EFHC2: variants seen among roughly 807,000 people sequenced by gnomAD.
EFHC2 encodes the protein EF-hand domain containing 2, also known as EF-hand domain-containing family member C2.
In EFHC2, 18 loss-of-function variants were observed where a neutral mutation model predicts 52.7. The observed-to-expected ratio is 0.34, with a 90% CI of 0.24 to 0.51. The LOEUF is 0.51. Among genes scored for constraint, EFHC2 ranks in the 20% least tolerant of loss-of-function variants. The pLI is 0.97. For synonymous variants in EFHC2, 203 were observed against 204.1 expected, an observed-to-expected ratio of 0.99 and a Z score of 0.04; for missense variants, 513 against 562.5, an observed-to-expected ratio of 0.91 and a Z score of 0.89.
chrX:44,199,686 AC>A (rs1038973486), intron 11 of EFHC2, among the ~76,000 whole-genome samples: 2 of 112,056 alleles, frequency 1.8e-5, no homozygotes, highest in Non-Finnish European at 3.8e-5. Context: ...AAGCTGGCAG[AC>A]ATTACCTGAA....
chrX:44,193,906 G>T (rs891776789), intron 11 of EFHC2, among the ~76,000 whole-genome samples: 1 of 111,659 alleles, frequency 9.0e-6, no homozygotes, highest in Non-Finnish European at 1.9e-5. Context: ...AGAGGATGAG[G>T]GGCAGAGTAA....
At chrX:44,314,622 A>G (rs182403425) in intron 1 of EFHC2, among the ~76,000 whole-genome samples, 94 of 111,311 alleles carry the variant, frequency 8.4e-4, no homozygotes, top group Middle Eastern at 4.6e-3. Context: ...TCTCTCTCAC[A>G]CATACACACA....
At chrX:44,258,203 C>T (rs1437269664) in intron 4 of EFHC2, among the ~76,000 whole-genome samples, 2 of 111,659 alleles carry the variant, frequency 1.8e-5, no homozygotes, top group Non-Finnish European at 1.9e-5. Context: ...CTAGGCAATA[C>T]CATTCAGGAC....
At chrX:44,252,832 G>A (rs1364689702) in intron 4 of EFHC2, among the ~76,000 whole-genome samples, 3 of 111,867 alleles carry the variant, frequency 2.7e-5, no homozygotes, top group Non-Finnish European at 3.8e-5. Flanking sequence ...TTTTCTGGGG[G>A]TGGCTGGCAA....
intron 2 of EFHC2, among the ~76,000 whole-genome samples, chrX:44,275,404 T>C (rs903177932): frequency 9.1e-6 from 1 of 109,781 alleles, no homozygotes; most frequent in Non-Finnish European, 1.9e-5. Flanking sequence ...GAGGAAATTA[T>C]AAAATGTGGT....
intron 13 of EFHC2, among the ~76,000 whole-genome samples, chrX:44,171,105 G>A (rs970299102): frequency 2.7e-5 from 3 of 111,766 alleles, no homozygotes; most frequent in Admixed American, 9.5e-5. Context: ...GTGGAAAAAG[G>A]GGGAGGGAAG....
At chrX:44,308,419 G>GA (rs1239104688) in intron 2 of EFHC2, among the ~76,000 whole-genome samples, 5 of 94,724 alleles carry the variant, frequency 5.3e-5, no homozygotes, top group East Asian at 6.5e-4. Context: ...TGTATTAAAA[G>GA]AAAAAAAAAA....
chrX:44,205,844 A>G (rs920994116), intron 11 of EFHC2, among the ~76,000 whole-genome samples: 7 of 111,418 alleles, frequency 6.3e-5, no homozygotes, highest in Admixed American at 1.9e-4. Flanking sequence ...TAACAAGGAA[A>G]CTCTGCACTT....
rs1472759397 is a variant in EFHC2, at chrX:44,173,059, G to A, written c.2042+3233C>T. 2.7e-5 allele frequency among the ~76,000 whole-genome samples: 3 copies of A among 111,958 alleles called. No homozygotes were observed. The East Asian group carries it at 8.5e-4, about 32-fold the overall frequency. ...TCAAGCTGAATTATAAGAAAAATGGGAATGGAGTAGAAGGAAAATCCTGGT... is the reference window on the plus strand; with the variant it reads ...TCAAGCTGAATTATAAGAAAAATGGAAATGGAGTAGAAGGAAAATCCTGGT... On this transcript the variant is annotated intron_variant, in intron 13 of 14. Coordinates refer to ENST00000420999, the MANE Select transcript of EFHC2 (RefSeq NM_025184.4).
intron 11 of EFHC2, among the ~76,000 whole-genome samples, chrX:44,215,889 C>CTA (rs773437709): frequency 2.9e-4 from 32 of 111,022 alleles, no homozygotes; most frequent in Admixed American, 7.6e-4. Context: ...GTGTATGTAT[C>CTA]TATATATATC....
At chrX:44,218,676 G>A (rs985620438) in intron 11 of EFHC2, among the ~76,000 whole-genome samples, 8 of 112,036 alleles carry the variant, frequency 7.1e-5, no homozygotes, top group South Asian at 3.7e-4. Flanking sequence ...TGAGCCAGCC[G>A]AAGGCATCTT....
chrX:44,263,919 G>A (rs2037558805), intron 3 of EFHC2, among the ~76,000 whole-genome samples: 2 of 111,413 alleles, frequency 1.8e-5, no homozygotes, highest in Admixed American at 9.5e-5. Flanking sequence ...TATTTTTCTA[G>A]GTGGCAAAAA....
At chrX:44,192,083 T>G (rs1280695177) in intron 11 of EFHC2, among the ~76,000 whole-genome samples, 1 of 110,270 alleles carries the variant, frequency 9.1e-6, no homozygotes, top group Non-Finnish European at 1.9e-5. Context: ...TGTGTGTGTG[T>G]GTGTGTGTGT....
chrX:44,280,599 T>C lies in EFHC2; in HGVS notation c.232-7763A>G, dbSNP rs972314929. 3.6e-5 allele frequency among the ~76,000 whole-genome samples: 4 copies of C among 112,052 alleles called. 1 individual carries two copies. Among genetic ancestry groups the C allele is most frequent in the Admixed American group, 1.9e-4 (2 of 10,574 alleles). Reference sequence around the variant, plus strand: ...GACAAAAATTATCATTATGGGTAGATAAAATAATGACCTAGGCAAAGGCTG... The same window carrying C: ...GACAAAAATTATCATTATGGGTAGACAAAATAATGACCTAGGCAAAGGCTG... On this transcript the variant is annotated intron_variant, in intron 2 of 14. Transcript: ENST00000420999.
At chrX:44,273,032 CTT>C (rs1157962036) in intron 2 of EFHC2, among the ~76,000 whole-genome samples, 196 bp from the exon 3 acceptor site, 1 of 112,396 alleles carries the variant, frequency 8.9e-6, no homozygotes, top group African/African-American at 3.2e-5. Context: ...TTATTTAATA[CTT>C]TTATCACCAT....
intron 9 of EFHC2, among the ~76,000 whole-genome samples, chrX:44,234,173 C>T (rs2067340495): frequency 9.0e-6 from 1 of 111,662 alleles, no homozygotes; most frequent in Admixed American, 9.5e-5. Flanking sequence ...TAACACAAAA[C>T]CTAACCTCAT....
chrX:44,292,691 G>C (rs1035775880), intron 2 of EFHC2, among the ~76,000 whole-genome samples: 1 of 111,399 alleles, frequency 9.0e-6, no homozygotes, highest in Admixed American at 9.5e-5. Context: ...GATGGGAGGT[G>C]ATTGGATCAA....
At chrX:44,264,537 T>C (rs1469104871) in intron 3 of EFHC2, among the ~76,000 whole-genome samples, 1 of 111,885 alleles carries the variant, frequency 8.9e-6, no homozygotes, top group Non-Finnish European at 1.9e-5. Flanking sequence ...GAAGCTCTTC[T>C]TGGTGACAAA....
intron 1 of EFHC2, among the ~76,000 whole-genome samples, chrX:44,326,394 T>C (rs1485410875): frequency 9.0e-6 from 1 of 111,315 alleles, no homozygotes; most frequent in Non-Finnish European, 1.9e-5. Flanking sequence ...ATTTTGAATG[T>C]TCTCAACACA....
Sources: gnomAD v4.1 joint callset for allele counts (sites outside exome capture counted in the v4.1 genomes callset) on GRCh38, gnomAD v4.1.1 for gene constraint, MANE v1.5 for transcripts, NCBI Gene and HGNC (gene_info 2026-07-23, HGNC 2026-07-21) for gene names.